Variants in GUCY1B1 observed in about 807,000 individuals in gnomAD.
GUCY1B1 encodes the protein guanylate cyclase soluble subunit beta-1.
GUCY1B1 carries 43 observed loss-of-function variants against 71.0 expected under a neutral mutation model. The observed-to-expected ratio is 0.61, with a 90% CI of 0.47 to 0.78. The LOEUF is 0.78. GUCY1B1 is among the 30% of genes least tolerant of loss of function. The pLI is 0.00. For missense variants in GUCY1B1, 535 were observed against 754.1 expected (o/e 0.71, Z 3.40); for synonymous variants, 266 against 259.7 (o/e 1.02, Z -0.23).
chr4:155,772,558 A>G (rs1421549328), intron 2 of GUCY1B1: 8 of 576,144 alleles, frequency 1.4e-5, no homozygotes, highest in Non-Finnish European at 2.5e-5. Context: ...CTGGGACTAC[A>G]GACTTGCGCC....
rs187340045 is a variant in GUCY1B1 at position 155,778,352 on chromosome 4, T to G, written c.297+710T>G. ...GACTATACTATTTTAAGCATTGACA[T>G]TTGTGAGACCCTCTTCTTGAAATGT... On this transcript the variant is annotated intron_variant, in intron 4 of 13. Transcript: ENST00000264424. Among the ~76,000 whole-genome samples, 5 of 152,328 alleles carry G rather than the reference T, an allele frequency of 3.3e-5. No individual in the cohort carries two copies. In the East Asian group the frequency reaches 9.6e-4, roughly 29 times the overall value.
At chr4:155,768,390 TA>T (rs3839144) in intron 2 of GUCY1B1, among the ~76,000 whole-genome samples, 1 of 151,262 alleles carries the variant, frequency 6.6e-6, no homozygotes, top group East Asian at 1.9e-4. Flanking sequence ...AAATAAATAA[TA>T]AAAAATATTC....
At chr4:155,778,299 AC>A in intron 4 of GUCY1B1, among the ~76,000 whole-genome samples, 1 of 152,234 alleles carries the variant, frequency 6.6e-6, no homozygotes, top group South Asian at 2.1e-4. Flanking sequence ...AGTAAATTAC[AC>A]ATTAGATGAG....
intron 4 of GUCY1B1, among the ~76,000 whole-genome samples, chr4:155,788,189 G>A (rs898878169): frequency 6.6e-6 from 1 of 152,164 alleles, no homozygotes; most frequent in Non-Finnish European, 1.5e-5. Flanking sequence ...ACGGGACTGT[G>A]TTTCTTTATG....
At chr4:155,789,512 T>C (rs1228099784) in intron 4 of GUCY1B1, among the ~76,000 whole-genome samples, 4 of 152,268 alleles carry the variant, frequency 2.6e-5, no homozygotes, top group African/African-American at 9.6e-5. Flanking sequence ...GATATTTTTC[T>C]TAATTCTACT....
intron 4 of GUCY1B1, among the ~76,000 whole-genome samples, chr4:155,788,873 C>T (rs566054899): frequency 6.6e-6 from 1 of 151,960 alleles, no homozygotes; most frequent in Non-Finnish European, 1.5e-5. Context: ...ACACACACAC[C>T]CCAACATGTT....
intron 6 of GUCY1B1, among the ~76,000 whole-genome samples, chr4:155,794,678 A>G (rs1739426775): frequency 6.6e-6 from 1 of 152,110 alleles, no homozygotes; most frequent in Non-Finnish European, 1.5e-5. Flanking sequence ...ATACGTTTAG[A>G]GATACTTTTT....
chr4:155,783,964 T>C (rs1738603103), intron 4 of GUCY1B1, among the ~76,000 whole-genome samples: 1 of 152,180 alleles, frequency 6.6e-6, no homozygotes, highest in African/African-American at 2.4e-5. Context: ...TGTAAGGCTT[T>C]TCAGTTTGAA....
chr4:155,797,519 C>CACAA (rs1260899966), intron 8 of GUCY1B1, among the ~76,000 whole-genome samples: 1 of 151,900 alleles, frequency 6.6e-6, no homozygotes, highest in East Asian at 1.9e-4. Context: ...GTGGGTGGAT[C>CACAA]ACAAGGTCAG....
chr4:155,761,760 T>C (rs1737012193), intron 2 of GUCY1B1, among the ~76,000 whole-genome samples: 1 of 152,254 alleles, frequency 6.6e-6, no homozygotes, highest in Non-Finnish European at 1.5e-5. Flanking sequence ...ATTAACTTAC[T>C]AATTTATCTT....
At chr4:155,800,347 C>A (rs887432284) in intron 9 of GUCY1B1, among the ~76,000 whole-genome samples, 2 of 152,168 alleles carry the variant, frequency 1.3e-5, no homozygotes, top group African/African-American at 2.4e-5. Flanking sequence ...AACTCAAATT[C>A]AAATTTAGTT....
chr4:155,793,461 T>C (rs1739321347), intron 5 of GUCY1B1, among the ~76,000 whole-genome samples: 1 of 152,250 alleles, frequency 6.6e-6, no homozygotes, highest in Non-Finnish European at 1.5e-5. Flanking sequence ...TATCATTTTA[T>C]TTCCCATTGT....
At chr4:155,792,365 A>G (rs527858282) in intron 5 of GUCY1B1, among the ~76,000 whole-genome samples, 1 of 152,314 alleles carries the variant, frequency 6.6e-6, no homozygotes, top group East Asian at 1.9e-4. Flanking sequence ...CTCTAGTTAA[A>G]TAGAAACAGA....
intron 2 of GUCY1B1, among the ~76,000 whole-genome samples, chr4:155,761,454 G>C (rs1042662876): frequency 6.6e-6 from 1 of 152,086 alleles, no homozygotes; most frequent in Non-Finnish European, 1.5e-5. Context: ...AGAATTTTTA[G>C]AGCAGAATAA....
At chr4:155,775,470 C>A (rs1045493850) in intron 3 of GUCY1B1, among the ~76,000 whole-genome samples, 1 of 151,918 alleles carries the variant, frequency 6.6e-6, no homozygotes, top group Non-Finnish European at 1.5e-5. Context: ...TTTTTTGTAT[C>A]TTTGGTAGAG....
In GUCY1B1 at chr4:155,802,481, T is replaced by C. The variant is rs1740024710; in HGVS notation, c.1315T>C (p.Ser439Pro). The change falls in exon 10 of 14, where the codon TCT becomes CCT. Residue 439 changes from serine to proline, a missense_variant. By Grantham distance (74) the Ser-to-Pro change is moderately conservative. Transcript: ENST00000264424. This position sits in a 1 kb window ranked among gnomAD's most constrained non-coding sequence, Gnocchi z 4.3. ...CAATGCTTTCTGTAGCAAGCATGCA[T>C]CTGGAGAAGGAGCCATGAAGATCGT... ...GFNAFCSKHASGEGAMKIVNL... is the reference protein window; with the variant it reads ...GFNAFCSKHAPGEGAMKIVNL... 1 of 1,613,750 alleles carries C rather than the reference T, an allele frequency of 6.2e-7. No individual in the cohort carries two copies. The highest frequency in any genetic ancestry group is 8.5e-7 in the Non-Finnish European group (1 of 1,179,732).
chr4:155,760,869 C>G (rs1000873490), intron 2 of GUCY1B1, among the ~76,000 whole-genome samples: 1 of 152,130 alleles, frequency 6.6e-6, no homozygotes, highest in African/African-American at 2.4e-5. Flanking sequence ...ATTTTGTTGT[C>G]TCAGGTAGGT....
chr4:155,806,290 G>A (rs1740307445), intron 13 of GUCY1B1, 96 bp from the exon 14 acceptor site: 3 of 750,928 alleles, frequency 4.0e-6, no homozygotes, highest in Admixed American at 4.4e-5. Context: ...ATGTGAACGT[G>A]GATCACACTC....
At chr4:155,770,051 T>C (rs1427327221) in intron 2 of GUCY1B1, among the ~76,000 whole-genome samples, 1 of 152,158 alleles carries the variant, frequency 6.6e-6, no homozygotes, top group Non-Finnish European at 1.5e-5. Flanking sequence ...TTTAAATTAC[T>C]AGAAGTGTTA....
Sources: allele counts gnomAD v4.1 joint callset (sites outside exome capture counted in the v4.1 genomes callset), GRCh38; gene constraint gnomAD v4.1.1; non-coding constraint Gnocchi (gnomAD v3.1); transcripts MANE v1.5; gene names NCBI Gene and HGNC (gene_info 2026-07-23, HGNC 2026-07-21).